The following RYR3 variants were observed in gnomAD, a reference collection of about 807,000 sequenced individuals.
RYR3 encodes the protein ryanodine receptor 3.
In RYR3, 207 loss-of-function variants were observed where a neutral mutation model predicts 584.3. That is an observed-to-expected ratio of 0.35 (90% CI 0.32 to 0.40). The LOEUF (loss-of-function observed/expected upper bound fraction) is 0.40. RYR3 is among the 10% of genes least tolerant of loss of function. The probability of loss-of-function intolerance (pLI) is 1.00; values close to 1 mark genes in which losing one functional copy is unlikely to be tolerated. For missense variants in RYR3, 5,616 were observed against 6,089.2 expected (o/e 0.92, Z 2.59); for synonymous variants, 2,416 against 2,248.5 (o/e 1.07, Z -2.11).
At chr15:33,856,417 C>A (rs2079665354) in intron 98 of RYR3, 2 of 152,238 alleles carry the variant, frequency 1.3e-5, no homozygotes, top group South Asian at 4.1e-4. Context: ...ATGTGCAGGT[C>A]CTGTGTACTC....
At chr15:33,681,865 C>T (rs1273217138) in intron 38 of RYR3, among the ~76,000 whole-genome samples, 1 of 152,184 alleles carries the variant, frequency 6.6e-6, no homozygotes, top group Non-Finnish European at 1.5e-5. Context: ...ACAACACCAG[C>T]GTAGGTTTGA....
intron 1 of RYR3, among the ~76,000 whole-genome samples, chr15:33,324,242 G>T (rs1969392170): frequency 6.6e-6 from 1 of 152,110 alleles, no homozygotes; most frequent in African/African-American, 2.4e-5. Flanking sequence ...CTTTGGTCTG[G>T]TAATATGGCA....
In RYR3 at chr15:33,841,973, A is replaced by T; in HGVS notation, c.13147A>T (p.Lys4383Ter). 6.2e-7 allele frequency: 1 copy of T among 1,603,576 alleles called. No individual in the cohort carries two copies. Among genetic ancestry groups the T allele is most frequent in the Non-Finnish European group, 8.5e-7 (1 of 1,174,878 alleles). ...KKRRCGQKVE[K>*]PEAFTANFFK... Reference sequence around the variant, plus strand: ...GCGGCGGTGTGGTCAGAAGGTTGAGAAGCCGGAAGCTTTCACAGCCAATTT... The same window carrying T: ...GCGGCGGTGTGGTCAGAAGGTTGAGTAGCCGGAAGCTTTCACAGCCAATTT... Residue 4383 changes from lysine (K) to a stop codon, truncating the protein, a stop_gained, in exon 91 of 104, where the codon AAG becomes TAG. Coordinates refer to ENST00000634891, the MANE Select transcript of RYR3 (RefSeq NM_001036.6). LOFTEE classifies it high-confidence loss of function.
At chr15:33,617,353 G>A (rs74875274) in intron 19 of RYR3, among the ~76,000 whole-genome samples, 26,559 of 151,772 alleles carry the variant, frequency 0.17, 2,530 homozygotes, top group African/African-American at 0.24. Context: ...CGGAGCTTGC[G>A]GTGAGCAGAG....
Position 33,838,875 on chromosome 15 carries a change from G to A in RYR3, c.12895G>A (p.Gly4299Ser), listed in dbSNP as rs754162049. The change falls in exon 89 of 104, where the codon GGT (glycine) becomes AGT (serine). Residue 4299 changes from glycine to serine, a missense_variant. Coordinates refer to ENST00000634891, the MANE Select transcript of RYR3 (RefSeq NM_001036.6). ...EGSLKHGPEVGLGDLSEIIGK... is the reference protein window; with the variant it reads ...EGSLKHGPEVSLGDLSEIIGK... ...CAGCTTAAAGCATGGGCCTGAAGTGGGTTTGGGTGACCTCTCAGAAATTAT... is the reference window on the plus strand; with the variant it reads ...CAGCTTAAAGCATGGGCCTGAAGTGAGTTTGGGTGACCTCTCAGAAATTAT... 7 of 1,613,924 alleles carry A rather than the reference G, an allele frequency of 4.3e-6. No homozygotes were observed. The South Asian group carries it at 6.6e-5, about 15-fold the overall frequency.
intron 90 of RYR3, 89 bp from the exon 91 acceptor site, chr15:33,841,775 C>A: frequency 1.5e-6 from 2 of 1,354,698 alleles, no homozygotes; most frequent in Non-Finnish European, 2.0e-6. Context: ...CCGGCCCTCT[C>A]AATCCAGATT....
chr15:33,373,532 C>T (rs1595886807), intron 1 of RYR3, among the ~76,000 whole-genome samples: 1 of 152,354 alleles, frequency 6.6e-6, no homozygotes, highest in East Asian at 1.9e-4. Context: ...TATTAGAATA[C>T]ACCACAGAGT....
At chr15:33,657,523 A>C (rs538896362) in intron 32 of RYR3, among the ~76,000 whole-genome samples, 1 of 152,246 alleles carries the variant, frequency 6.6e-6, no homozygotes, top group Non-Finnish European at 1.5e-5. Context: ...TCTGGGAGCC[A>C]GCCCAGGGAC....
intron 1 of RYR3, among the ~76,000 whole-genome samples, chr15:33,323,026 T>C (rs1056990473): frequency 2.0e-5 from 3 of 151,608 alleles, no homozygotes; most frequent in African/African-American, 7.3e-5. Flanking sequence ...CATTTATGTT[T>C]GTAGAGCTGC....
At chr15:33,790,237 C>T (rs2075072416) in intron 67 of RYR3, among the ~76,000 whole-genome samples, 1 of 151,156 alleles carries the variant, frequency 6.6e-6, no homozygotes. Context: ...TCGTGATCCA[C>T]CCACCTCGAC....
At chr15:33,758,299 C>T (rs541900018) in intron 60 of RYR3, among the ~76,000 whole-genome samples, 28 of 152,142 alleles carry the variant, frequency 1.8e-4, no homozygotes, top group Non-Finnish European at 3.8e-4. Context: ...CAGAACTGTT[C>T]ACACCCCTGG....
chr15:33,804,169 C>G (rs542817500), intron 69 of RYR3, among the ~76,000 whole-genome samples: 1 of 152,116 alleles, frequency 6.6e-6, no homozygotes, highest in East Asian at 1.9e-4. Context: ...CTTGCTGGTC[C>G]GGTTAGTCTG....
intron 1 of RYR3, among the ~76,000 whole-genome samples, chr15:33,337,782 C>T (rs1038195635): frequency 4.6e-5 from 7 of 152,130 alleles, no homozygotes; most frequent in South Asian, 4.1e-4. Context: ...AACTCATCCA[C>T]ATGTGCATCA....
chr15:33,742,285 T>C (rs1253160345), intron 51 of RYR3, 81 bp from the exon 52 acceptor site: 3 of 866,554 alleles, frequency 3.5e-6, no homozygotes, highest in Non-Finnish European at 5.8e-6. Context: ...GACAGCTGGT[T>C]GATTGGTAGT....
At chr15:33,447,624 T>C (rs1214596410) in intron 1 of RYR3, among the ~76,000 whole-genome samples, 2 of 152,120 alleles carry the variant, frequency 1.3e-5, no homozygotes, top group Non-Finnish European at 2.9e-5. Flanking sequence ...ACAGATAAAA[T>C]TGTCCAGGAT....
chr15:33,400,770 C>G (rs1212085488), intron 1 of RYR3, among the ~76,000 whole-genome samples: 1 of 152,176 alleles, frequency 6.6e-6, no homozygotes, highest in African/African-American at 2.4e-5. Flanking sequence ...TATTATCATG[C>G]TTTCCCTTTC....
intron 17 of RYR3, among the ~76,000 whole-genome samples, chr15:33,601,901 T>C (rs1413784013): frequency 6.6e-6 from 1 of 152,186 alleles, no homozygotes; most frequent in Admixed American, 6.5e-5. Flanking sequence ...ATACCAACTT[T>C]TTTTCTGTAA....
intron 43 of RYR3, among the ~76,000 whole-genome samples, chr15:33,711,483 T>A (rs1328777690): frequency 6.6e-6 from 1 of 152,092 alleles, no homozygotes; most frequent in Non-Finnish European, 1.5e-5. Context: ...GACTTCGTGA[T>A]CCACCCGCCT....
intron 36 of RYR3, among the ~76,000 whole-genome samples, chr15:33,666,225 C>T (rs1358728338): frequency 3.3e-5 from 5 of 152,088 alleles, no homozygotes; most frequent in Admixed American, 3.3e-4. Context: ...AGGCTGGTCT[C>T]GAACTCCTGA....
Sources: gnomAD v4.1 joint callset for allele counts (sites outside exome capture counted in the v4.1 genomes callset) on GRCh38, gnomAD v4.1.1 for gene constraint, MANE v1.5 for transcripts, NCBI Gene and HGNC (gene_info 2026-07-23, HGNC 2026-07-21) for gene names.